NSMCE2: variants seen among roughly 807,000 people sequenced by gnomAD.
NSMCE2 encodes the protein E3 SUMO-protein ligase NSE2.
NSMCE2 carries 24 observed loss-of-function variants against 23.8 expected under a neutral mutation model. The observed-to-expected ratio is 1.01, with a 90% CI of 0.73 to 1.42. The LOEUF is 1.42. Among genes scored for constraint, NSMCE2 ranks in the 40% most tolerant of loss-of-function variants. The probability of loss-of-function intolerance (pLI) is 0.00; values close to 1 mark genes in which losing one functional copy is unlikely to be tolerated. For synonymous variants in NSMCE2, 92 were observed against 94.1 expected (o/e 0.98, Z 0.13); for missense variants, 284 against 296.5 (o/e 0.96, Z 0.31).
At chr8:125,322,005 G>A (rs781058138) in intron 5 of NSMCE2, among the ~76,000 whole-genome samples, 32 of 152,054 alleles carry the variant, frequency 2.1e-4, no homozygotes, top group Non-Finnish European at 3.4e-4. Context: ...TTAAGTGTTC[G>A]TTCACATCAA....
Position 125,151,197 on chromosome 8 carries a change from G to C in NSMCE2, c.184G>C (p.Asp62His). 6.2e-7 allele frequency: 1 copy of C among 1,605,310 alleles called. No homozygotes were observed. ...QTEVSSEYSMDKAMVEFATLD... is the reference protein window; with the variant it reads ...QTEVSSEYSMHKAMVEFATLD... ...TGAAGTGAGTAGTGAATATAGTATG[G>C]ACAAGGCAATGGTTGAATTTGCTAC... The change falls in exon 4 of 8, where the codon GAC becomes CAC. Residue 62 changes from aspartate to histidine, a missense_variant. Coordinates refer to ENST00000287437, the MANE Select transcript of NSMCE2 (RefSeq NM_173685.4).
intron 5 of NSMCE2, among the ~76,000 whole-genome samples, chr8:125,315,351 G>T (rs951653197): frequency 6.8e-4 from 104 of 152,314 alleles, no homozygotes; most frequent in Admixed American, 3.4e-3. Context: ...CATTTGGGTT[G>T]CTCTGAGAGT....
chr8:125,295,550 G>T (rs939189228), intron 5 of NSMCE2, among the ~76,000 whole-genome samples: 1 of 152,164 alleles, frequency 6.6e-6, no homozygotes, highest in Admixed American at 6.5e-5. Flanking sequence ...TCATTGGGCT[G>T]CACACCCCTG....
At chr8:125,333,502 G>GTTTTTTTTTTTT (rs1308950464) in intron 5 of NSMCE2, among the ~76,000 whole-genome samples, 6 of 65,860 alleles carry the variant, frequency 9.1e-5, no homozygotes, top group South Asian at 5.1e-4. Flanking sequence ...TTTCCTGGTG[G>GTTTTTTTTTTTT]TTCTTTTTTT....
intron 5 of NSMCE2, among the ~76,000 whole-genome samples, chr8:125,267,206 C>G (rs1182429815): frequency 6.6e-6 from 1 of 152,018 alleles, no homozygotes; most frequent in Non-Finnish European, 1.5e-5. Context: ...CAGGGTTTCA[C>G]CGTGTTGGCC....
intron 5 of NSMCE2, among the ~76,000 whole-genome samples, chr8:125,293,900 ACAAT>A (rs1217320529): frequency 6.6e-6 from 1 of 152,204 alleles, no homozygotes; most frequent in Non-Finnish European, 1.5e-5. Flanking sequence ...AGCCATCACC[ACAAT>A]CAATTTTAGA....
chr8:125,251,875 C>T (rs1252067562), intron 5 of NSMCE2, among the ~76,000 whole-genome samples: 1 of 152,164 alleles, frequency 6.6e-6, no homozygotes, highest in African/African-American at 2.4e-5. Flanking sequence ...TTTTTCCCTA[C>T]AGTATACTGC....
At chr8:125,316,779 C>T (rs111884398) in intron 5 of NSMCE2, among the ~76,000 whole-genome samples, 67 of 140,774 alleles carry the variant, frequency 4.8e-4, no homozygotes, top group African/African-American at 1.5e-3. Flanking sequence ...TTCTCTCTCT[C>T]TCTTTCTTTC....
chr8:125,274,829 C>T (rs1232570829), intron 5 of NSMCE2, among the ~76,000 whole-genome samples: 1 of 150,894 alleles, frequency 6.6e-6, no homozygotes, highest in Non-Finnish European at 1.5e-5. Context: ...ACTTGGGAGG[C>T]TGAGGCAGGA....
At chr8:125,136,299 G>A (rs80035704) in intron 3 of NSMCE2, among the ~76,000 whole-genome samples, 3,313 of 152,100 alleles carry the variant, frequency 0.022, 128 homozygotes, top group African/African-American at 0.076. Context: ...AGGAAATGAC[G>A]AAGGAAACAA....
At chr8:125,177,766 CT>C (rs1342327610) in intron 4 of NSMCE2, among the ~76,000 whole-genome samples, 1 of 152,152 alleles carries the variant, frequency 6.6e-6, no homozygotes, top group Non-Finnish European at 1.5e-5. Context: ...TTTCTCTTTC[CT>C]TTCTTCTGTA....
chr8:125,243,127 C>G (rs1825821824), intron 5 of NSMCE2, among the ~76,000 whole-genome samples: 1 of 151,992 alleles, frequency 6.6e-6, no homozygotes, highest in South Asian at 2.1e-4. Context: ...TTGGCTCACC[C>G]CTGAAAATGT....
At chr8:125,350,455 G>A (rs1314841708) in intron 5 of NSMCE2, among the ~76,000 whole-genome samples, 3 of 152,258 alleles carry the variant, frequency 2.0e-5, no homozygotes, top group African/African-American at 7.2e-5. Context: ...GAGCACAGTG[G>A]GAGACAGGAC....
intron 5 of NSMCE2, among the ~76,000 whole-genome samples, chr8:125,327,427 C>G (rs1256268304): frequency 6.6e-6 from 1 of 152,010 alleles, no homozygotes; most frequent in Non-Finnish European, 1.5e-5. Flanking sequence ...TTTTAGGAGG[C>G]TTTAAAGATA....
chr8:125,237,724 C>T (rs773825599), intron 5 of NSMCE2, among the ~76,000 whole-genome samples: 16 of 152,174 alleles, frequency 1.1e-4, no homozygotes, highest in Non-Finnish European at 1.0e-4. Flanking sequence ...TGAGTCCAGT[C>T]AGTGAGACCG....
chr8:125,327,903 A>G (rs1350472667), intron 5 of NSMCE2, among the ~76,000 whole-genome samples: 1 of 152,206 alleles, frequency 6.6e-6, no homozygotes, highest in Non-Finnish European at 1.5e-5. Flanking sequence ...GATTAATATC[A>G]AGGTAATCTG....
Position 125,334,772 on chromosome 8 carries a change from C to CTTTTTT in NSMCE2, c.419-22424_419-22419dup, listed in dbSNP as rs34213706. On this transcript the variant is annotated intron_variant, in intron 5 of 7. Transcript: ENST00000287437. ...CAAAAAAGATTATGAAGTATCTTTT[C>CTTTTTT]TTTTTTTTTTTTTTTTTTTTTTTTT... Among the ~76,000 whole-genome samples the CTTTTTT allele has an allele frequency of 2.1e-4, 12 of 55,878 alleles. 1 individual carries two copies. Among genetic ancestry groups the CTTTTTT allele is most frequent in the East Asian group, 6.0e-4 (1 of 1,662 alleles). The allele number at this position is 55,878 out of a possible 152,430, so 36.7% of individuals were successfully genotyped here.
At chr8:125,261,825 A>G (rs1826704391) in intron 5 of NSMCE2, among the ~76,000 whole-genome samples, 1 of 151,876 alleles carries the variant, frequency 6.6e-6, no homozygotes, top group South Asian at 2.1e-4. Flanking sequence ...GGCTAGGCAC[A>G]GTGGCTCACG....
At chr8:125,204,727 G>A (rs995137988) in intron 5 of NSMCE2, among the ~76,000 whole-genome samples, 5 of 152,108 alleles carry the variant, frequency 3.3e-5, no homozygotes, top group African/African-American at 7.2e-5. Context: ...AATAAGATAC[G>A]CTGTCTAGTC....
Sources: allele counts gnomAD v4.1 joint callset (sites outside exome capture counted in the v4.1 genomes callset), GRCh38; gene constraint gnomAD v4.1.1; transcripts MANE v1.5; gene names NCBI Gene and HGNC (gene_info 2026-07-23, HGNC 2026-07-21).